Variants in MFHAS1 observed in about 807,000 individuals in gnomAD.
The protein encoded by MFHAS1 is malignant fibrous histiocytoma-amplified sequence 1.
Under a neutral mutation model 70.4 loss-of-function variants are expected in MFHAS1, and 50 were observed. The ratio of observed to expected loss-of-function variants is 0.71; its 90% CI spans 0.57 to 0.90. The LOEUF (loss-of-function observed/expected upper bound fraction) is 0.90, where lower values mean the gene tolerates loss of function less well. Ranked by LOEUF, MFHAS1 falls within the 40% of genes least tolerant of loss-of-function variation. The probability of loss-of-function intolerance (pLI) is 0.00; values close to 1 mark genes in which losing one functional copy is unlikely to be tolerated. For synonymous variants in MFHAS1, 952 were observed against 620.0 expected (o/e 1.54, Z -7.96); for missense variants, 1,795 against 1,347.6 (o/e 1.33, Z -5.20).
At chr8:8,798,144 C>T (rs1332526708) in intron 1 of MFHAS1, among the ~76,000 whole-genome samples, 1 of 152,186 alleles carries the variant, frequency 6.6e-6, no homozygotes, top group Non-Finnish European at 1.5e-5. Context: ...ACTCTGCATG[C>T]CCTGGATGTA....
chr8:8,804,777 G>GC (rs1473655224), intron 1 of MFHAS1, among the ~76,000 whole-genome samples: 1 of 152,224 alleles, frequency 6.6e-6, no homozygotes, highest in Non-Finnish European at 1.5e-5. Flanking sequence ...CGCCAGGGAA[G>GC]CCGTGCCAGG....
At chr8:8,858,170 G>A (rs564633807) in intron 1 of MFHAS1, among the ~76,000 whole-genome samples, 14 of 152,302 alleles carry the variant, frequency 9.2e-5, no homozygotes, top group South Asian at 2.1e-4. Flanking sequence ...GCAGGGAGTA[G>A]TTAAGAAGCC....
intron 1 of MFHAS1, among the ~76,000 whole-genome samples, chr8:8,808,032 A>G (rs988033050): frequency 6.7e-4 from 102 of 152,238 alleles, no homozygotes; most frequent in African/African-American, 2.4e-3. Context: ...ATCTAGCACC[A>G]TTCTAGTAGC....
chr8:8,882,766 T>A (rs1396847222), intron 1 of MFHAS1, among the ~76,000 whole-genome samples: 5 of 152,056 alleles, frequency 3.3e-5, no homozygotes, highest in Admixed American at 6.6e-5. Flanking sequence ...CAAACAGGGG[T>A]TCCTAATCCC....
chr8:8,842,558 C>T (rs145105372), intron 1 of MFHAS1, among the ~76,000 whole-genome samples: 28 of 152,210 alleles, frequency 1.8e-4, no homozygotes, highest in African/African-American at 6.5e-4. Flanking sequence ...TGACACAGGA[C>T]GCACGTGTAA....
intron 1 of MFHAS1, among the ~76,000 whole-genome samples, chr8:8,821,302 A>G (rs1284179006): frequency 1.3e-5 from 2 of 152,334 alleles, no homozygotes; most frequent in Admixed American, 6.5e-5. Context: ...GGAAGTGGAA[A>G]TAGAAGGTCA....
intron 1 of MFHAS1, among the ~76,000 whole-genome samples, chr8:8,883,731 A>G (rs958135163): frequency 6.7e-6 from 1 of 150,182 alleles, no homozygotes; most frequent in South Asian, 2.1e-4. Flanking sequence ...AAAAAAAAAA[A>G]GAAAGGGCTC....
At chr8:8,850,338 G>C (rs1391046093) in intron 1 of MFHAS1, among the ~76,000 whole-genome samples, 1 of 152,098 alleles carries the variant, frequency 6.6e-6, no homozygotes, top group African/African-American at 2.4e-5. Context: ...TTTATTAAAT[G>C]TTTAATAGCA....
intron 1 of MFHAS1, among the ~76,000 whole-genome samples, chr8:8,876,376 T>G (rs553911243): frequency 1.6e-4 from 25 of 152,204 alleles, no homozygotes; most frequent in African/African-American, 6.0e-4. Flanking sequence ...TAAATGTAAT[T>G]GAGGAAACTT....
At chr8:8,822,944 G>T (rs930331727) in intron 1 of MFHAS1, among the ~76,000 whole-genome samples, 1 of 152,138 alleles carries the variant, frequency 6.6e-6, no homozygotes, top group African/African-American at 2.4e-5. Flanking sequence ...AGGAGGTACC[G>T]ACAGGCTGGT....
intron 1 of MFHAS1, among the ~76,000 whole-genome samples, chr8:8,859,728 C>A (rs332036): frequency 0.3 from 46,043 of 151,884 alleles, 11,001 homozygotes; most frequent in African/African-American, 0.67. Context: ...TATCTAATAT[C>A]TATAATGTAC....
At chr8:8,834,932 A>T (rs2116842158) in intron 1 of MFHAS1, among the ~76,000 whole-genome samples, 1 of 152,352 alleles carries the variant, frequency 6.6e-6, no homozygotes, top group East Asian at 1.9e-4. Flanking sequence ...ACTTTTAATG[A>T]GTTCTCTGGA....
At chr8:8,880,388 G>C (rs747663819) in intron 1 of MFHAS1, among the ~76,000 whole-genome samples, 8 of 152,246 alleles carry the variant, frequency 5.3e-5, no homozygotes, top group South Asian at 2.1e-4. Context: ...CTTTAAAATG[G>C]CTTTTTCATA....
At chr8:8,827,784 G>GC (rs1422990774) in intron 1 of MFHAS1, among the ~76,000 whole-genome samples, 1 of 152,004 alleles carries the variant, frequency 6.6e-6, no homozygotes, top group East Asian at 1.9e-4. Context: ...TTTGTGACAC[G>GC]CTTTGGGGGG....
chr8:8,890,191 C>G lies in MFHAS1; in HGVS notation c.2868G>C (p.Trp956Cys). 6.2e-7 allele frequency: 1 copy of G among 1,614,154 alleles called. No homozygotes were observed. Among genetic ancestry groups the G allele is most frequent in the Non-Finnish European group, 8.5e-7 (1 of 1,180,036 alleles). The change falls in exon 1 of 3, where the codon TGG becomes TGC. Residue 956 changes from tryptophan (W) to cysteine (C), a missense_variant. Coordinates refer to ENST00000276282, the MANE Select transcript of MFHAS1 (RefSeq NM_004225.3). ...CCTCCACCAAGGGGGTTATGGCTTG[C>G]CATGCGGTCCATATATTTGGTAATG... ...HASLPNIWTA[W>C]QAITPLVEEL...
chr8:8,859,284 T>C (rs899376405), intron 1 of MFHAS1, among the ~76,000 whole-genome samples: 5 of 152,040 alleles, frequency 3.3e-5, no homozygotes, highest in African/African-American at 4.8e-5. Context: ...GTGGAAGTTG[T>C]AGTGAGCCAA....
chr8:8,793,278 A>G (rs2117249981), intron 2 of MFHAS1, among the ~76,000 whole-genome samples: 1 of 152,386 alleles, frequency 6.6e-6, no homozygotes, highest in African/African-American at 2.4e-5. Flanking sequence ...AAAGCTTGGA[A>G]TTCATTTAAA....
chr8:8,854,401 G>C (rs923164908), intron 1 of MFHAS1, among the ~76,000 whole-genome samples: 1 of 152,084 alleles, frequency 6.6e-6, no homozygotes, highest in Non-Finnish European at 1.5e-5. Context: ...GGCGCCTACA[G>C]TCCCAGCTAC....
At chr8:8,875,882 C>A (rs1037141294) in intron 1 of MFHAS1, among the ~76,000 whole-genome samples, 1 of 152,052 alleles carries the variant, frequency 6.6e-6, no homozygotes, top group African/African-American at 2.4e-5. Flanking sequence ...CCACCATGCC[C>A]GGCCTATAAG....
Sources: allele counts gnomAD v4.1 joint callset (sites outside exome capture counted in the v4.1 genomes callset), GRCh38; gene constraint gnomAD v4.1.1; transcripts MANE v1.5; gene names NCBI Gene and HGNC (gene_info 2026-07-23, HGNC 2026-07-21).